ATP8A2: variants seen among roughly 807,000 people sequenced by gnomAD.
The protein encoded by ATP8A2 is phospholipid-transporting ATPase IB.
Under a neutral mutation model 165.6 loss-of-function variants are expected in ATP8A2, and 100 were observed. The ratio of observed to expected loss-of-function variants is 0.60; its 90% confidence interval spans 0.51 to 0.71. The LOEUF (loss-of-function observed/expected upper bound fraction) is 0.71, where lower values mean the gene tolerates loss of function less well. ATP8A2 is among the 30% of genes least tolerant of loss of function. ATP8A2 has a pLI of 0.00. For missense variants in ATP8A2, 1,227 were observed against 1,479.5 expected (o/e 0.83, Z 2.80); for synonymous variants, 543 against 548.8 (o/e 0.99, Z 0.15).
intron 5 of ATP8A2, 72 bp from the exon 6 acceptor site, chr13:25,533,201 G>A (rs1566232821): frequency 2.5e-6 from 2 of 809,728 alleles, no homozygotes; most frequent in East Asian, 5.1e-5. Flanking sequence ...CTAAAAGAAA[G>A]CTTTTGGATT....
At chr13:25,615,720 C>T (rs1418135137) in intron 24 of ATP8A2, among the ~76,000 whole-genome samples, 1 of 152,192 alleles carries the variant, frequency 6.6e-6, no homozygotes, top group Non-Finnish European at 1.5e-5. Flanking sequence ...CCACAGGACT[C>T]TTCCCAATTC....
At chr13:25,886,867 G>GA (rs1953176015) in intron 33 of ATP8A2, among the ~76,000 whole-genome samples, 2 of 152,274 alleles carry the variant, frequency 1.3e-5, no homozygotes, top group South Asian at 2.1e-4. Flanking sequence ...TATTTACATG[G>GA]TATTGCTGGT....
rs562944090 is a variant in ATP8A2, at chr13:25,520,908, C to T, written c.222-9091C>T. Among the ~76,000 whole-genome samples the T allele has an allele frequency of 5.3e-5, 8 of 152,184 alleles. No individual in the cohort carries two copies. In the South Asian group the frequency reaches 8.3e-4, roughly 16 times the overall value. ...GGATTACAGGCATGAGCCACCGTGC[C>T]GGCCCTATTTTTAATTTTTTGAGGA... On this transcript the variant is annotated intron_variant, in intron 2 of 36. Transcript: ENST00000381655.
chr13:25,639,998 T>G (rs2041474299), intron 24 of ATP8A2, among the ~76,000 whole-genome samples: 1 of 152,218 alleles, frequency 6.6e-6, no homozygotes, highest in African/African-American at 2.4e-5. Context: ...TGCTTCTGAA[T>G]GACTACTGGG....
At chr13:25,635,266 G>A (rs1170498883) in intron 24 of ATP8A2, among the ~76,000 whole-genome samples, 1 of 152,164 alleles carries the variant, frequency 6.6e-6, no homozygotes, top group Non-Finnish European at 1.5e-5. Flanking sequence ...TAAGATTGGG[G>A]AAGGTTAAAC....
At chr13:25,883,387 C>T (rs1052853929) in intron 33 of ATP8A2, among the ~76,000 whole-genome samples, 3 of 152,100 alleles carry the variant, frequency 2.0e-5, no homozygotes, top group African/African-American at 7.2e-5. Flanking sequence ...CCTTGCACTC[C>T]AGCCTGGGCA....
At chr13:25,926,715 G>A (rs182136861) in intron 33 of ATP8A2, among the ~76,000 whole-genome samples, 165 of 152,224 alleles carry the variant, frequency 1.1e-3, no homozygotes, top group Non-Finnish European at 1.5e-3. Flanking sequence ...TTAAATTATC[G>A]TAGGCTAGGC....
At chr13:25,455,389 A>C (rs2035338989) in intron 1 of ATP8A2, among the ~76,000 whole-genome samples, 1 of 152,222 alleles carries the variant, frequency 6.6e-6, no homozygotes, top group Non-Finnish European at 1.5e-5. Context: ...TACTTGGCTC[A>C]TTTGTAAGTA....
At chr13:25,701,461 G>A (rs995125490) in intron 25 of ATP8A2, among the ~76,000 whole-genome samples, 18 of 152,234 alleles carry the variant, frequency 1.2e-4, no homozygotes, top group African/African-American at 3.9e-4. Flanking sequence ...CTACCTCAGA[G>A]CCGTGAGTCA....
intron 1 of ATP8A2, among the ~76,000 whole-genome samples, chr13:25,421,482 ATGCCAC>A (rs1378579521): frequency 6.6e-6 from 1 of 151,980 alleles, no homozygotes; most frequent in Admixed American, 6.6e-5. Context: ...CTACAGGCCC[ATGCCAC>A]TGCACCTGGG....
At position 25,460,346 on chromosome 13, in the gene ATP8A2, G is replaced by T. The variant is rs540091578; in HGVS notation, c.77-8631G>T. On this transcript the variant is annotated intron_variant, in intron 1 of 36. Coordinates refer to ENST00000381655, the MANE Select transcript of ATP8A2 (RefSeq NM_016529.6). ...AATCAGCAATGAGATTTTAAAGCTGGTGTCCCTAACTTGGGCCAGTGTTGG... is the reference window on the plus strand; with the variant it reads ...AATCAGCAATGAGATTTTAAAGCTGTTGTCCCTAACTTGGGCCAGTGTTGG... Among the ~76,000 whole-genome samples, 420 of 152,318 alleles carry T rather than the reference G, an allele frequency of 2.8e-3. 3 individuals carry two copies. Among genetic ancestry groups the T allele is most frequent in the African/African-American group, 8.8e-3 (364 of 41,556 alleles).
At chr13:25,497,192 A>T (rs145671876) in intron 2 of ATP8A2, among the ~76,000 whole-genome samples, 40 of 152,344 alleles carry the variant, frequency 2.6e-4, no homozygotes, top group African/African-American at 9.6e-4. Context: ...GGCCATTAGT[A>T]GTATCAAAAA....
At chr13:25,521,509 G>A (rs2037670957) in intron 2 of ATP8A2, among the ~76,000 whole-genome samples, 1 of 152,128 alleles carries the variant, frequency 6.6e-6, no homozygotes, top group Non-Finnish European at 1.5e-5. Context: ...TCAGTTTCAG[G>A]TCTTAGATTT....
chr13:25,653,965 C>T (rs1304899894), intron 24 of ATP8A2, among the ~76,000 whole-genome samples: 1 of 152,118 alleles, frequency 6.6e-6, no homozygotes, highest in Non-Finnish European at 1.5e-5. Flanking sequence ...TGGGATACCT[C>T]TGGAGGAGCT....
At chr13:25,639,153 A>G in intron 24 of ATP8A2, among the ~76,000 whole-genome samples, 1 of 152,194 alleles carries the variant, frequency 6.6e-6, no homozygotes. Context: ...AAAACATGCC[A>G]AATTGTAAAG....
chr13:26,013,092 GGA>G (rs1166362750), intron 36 of ATP8A2, among the ~76,000 whole-genome samples: 1 of 149,596 alleles, frequency 6.7e-6, no homozygotes, highest in Non-Finnish European at 1.5e-5. Context: ...AGATTCCAGA[GGA>G]GAGTGGGAGG....
At chr13:25,412,751 C>T (rs540828556) in intron 1 of ATP8A2, among the ~76,000 whole-genome samples, 1 of 152,298 alleles carries the variant, frequency 6.6e-6, no homozygotes, top group East Asian at 1.9e-4. Flanking sequence ...CACCCACCAG[C>T]CTGTTCCTTC....
intron 25 of ATP8A2, among the ~76,000 whole-genome samples, chr13:25,722,322 T>G (rs2043399717): frequency 6.6e-6 from 1 of 152,168 alleles, no homozygotes; most frequent in Non-Finnish European, 1.5e-5. Context: ...CATCAATAGA[T>G]TGCTACCTAA....
chr13:25,657,529 C>G (rs1336744439), intron 24 of ATP8A2, among the ~76,000 whole-genome samples: 1 of 152,188 alleles, frequency 6.6e-6, no homozygotes, highest in East Asian at 1.9e-4. Flanking sequence ...AATTCAGGCC[C>G]AGTGTTCCAG....
Sources: gnomAD v4.1 joint callset for allele counts (sites outside exome capture counted in the v4.1 genomes callset) on GRCh38, gnomAD v4.1.1 for gene constraint, MANE v1.5 for transcripts, NCBI Gene and HGNC (gene_info 2026-07-23, HGNC 2026-07-21) for gene names.